Variants in FAM135B observed in about 807,000 individuals in gnomAD.
FAM135B encodes family with sequence similarity 135 member B.
FAM135B carries 43 observed loss-of-function variants against 127.7 expected under a neutral mutation model. That is an observed-to-expected ratio of 0.34 (90% CI 0.26 to 0.43). FAM135B has a LOEUF of 0.43. Ranked by LOEUF, FAM135B falls within the 20% of genes least tolerant of loss-of-function variation. The pLI is 1.00. For missense variants in FAM135B, 1,558 were observed against 1,725.6 expected, an observed-to-expected ratio of 0.90 and a Z score of 1.72; for synonymous variants, 670 against 665.1, an observed-to-expected ratio of 1.01 and a Z score of -0.11.
At chr8:138,472,778 T>A (rs771221728) in intron 1 of FAM135B, among the ~76,000 whole-genome samples, 14 of 151,764 alleles carry the variant, frequency 9.2e-5, no homozygotes, top group Non-Finnish European at 4.4e-5. Flanking sequence ...GCGAGGGGAG[T>A]CCCACGTTTA....
chr8:138,389,498 G>T (rs1318236860), intron 1 of FAM135B, among the ~76,000 whole-genome samples: 6 of 152,180 alleles, frequency 3.9e-5, no homozygotes, highest in Non-Finnish European at 8.8e-5. Context: ...TCAAAAGTGT[G>T]AAGTTTTAAT....
At chr8:138,224,505 C>T (rs556251160) in intron 7 of FAM135B, among the ~76,000 whole-genome samples, 7 of 152,248 alleles carry the variant, frequency 4.6e-5, no homozygotes, top group Admixed American at 1.3e-4. Context: ...GGCCCGATCT[C>T]GGCTCACTGC....
chr8:138,442,267 T>TATATATACAC (rs1554694337), intron 1 of FAM135B, among the ~76,000 whole-genome samples: 1 of 86,762 alleles, frequency 1.2e-5, no homozygotes, highest in Non-Finnish European at 2.4e-5. Flanking sequence ...TATATATATA[T>TATATATACAC]ATATATATAT....
chr8:138,435,023 G>A (rs556124187), intron 1 of FAM135B, among the ~76,000 whole-genome samples: 4 of 152,254 alleles, frequency 2.6e-5, no homozygotes, highest in Non-Finnish European at 4.4e-5. Flanking sequence ...GAAGCCACAC[G>A]CCAGCCAGGC....
rs570848649 is a variant in FAM135B at position 138,304,141 on chromosome 8, G to C, written c.157+6700C>G. Among the ~76,000 whole-genome samples, 5 of 151,884 alleles carry C rather than the reference G, an allele frequency of 3.3e-5. No homozygotes were observed. In the South Asian group the frequency reaches 6.2e-4, roughly 19 times the overall value. On this transcript the variant is annotated intron_variant, in intron 3 of 19. Coordinates refer to ENST00000395297, the MANE Select transcript of FAM135B (RefSeq NM_015912.4). ...GGTACATTTCAGAGGTCCTGAGAAG[G>C]GCACTTCAGCCCATCAGGCAACTTG...
intron 1 of FAM135B, among the ~76,000 whole-genome samples, chr8:138,421,610 A>G (rs1417136438): frequency 1.3e-5 from 2 of 152,212 alleles, no homozygotes; most frequent in Admixed American, 6.5e-5. Flanking sequence ...AGCAAGAATT[A>G]CAAAAACTGC....
chr8:138,241,435 A>G lies in FAM135B; in HGVS notation c.669+1507T>C, dbSNP rs1447842965. On this transcript the variant is annotated intron_variant, in intron 7 of 19. Coordinates refer to ENST00000395297, the MANE Select transcript of FAM135B (RefSeq NM_015912.4). This position sits in a 1 kb window ranked among gnomAD's most constrained non-coding sequence, Gnocchi z 4.8. ...TTCAGGTCCCCTCAGCAGGTTCTTG[A>G]CAACTCTTTTCTTTGCTTCTCAGGA... is the stretch of plus-strand genomic sequence containing the variant. Among the ~76,000 whole-genome samples the G allele has an allele frequency of 2.0e-5, 3 of 152,128 alleles. No individual in the cohort carries two copies. The highest frequency in any genetic ancestry group is 2.9e-5 in the Non-Finnish European group (2 of 68,022).
At chr8:138,340,280 G>A (rs1204454773) in intron 2 of FAM135B, among the ~76,000 whole-genome samples, 4 of 152,126 alleles carry the variant, frequency 2.6e-5, no homozygotes, top group East Asian at 1.9e-4. Context: ...CAATACGAAC[G>A]ATACAAACAG....
intron 1 of FAM135B, among the ~76,000 whole-genome samples, chr8:138,471,724 T>C (rs1024517426): frequency 2.0e-5 from 3 of 152,120 alleles, no homozygotes; most frequent in Admixed American, 6.6e-5. Flanking sequence ...ACCTTTGAAG[T>C]AGATAAGAAC....
At chr8:138,257,436 G>A (rs927829589) in intron 4 of FAM135B, among the ~76,000 whole-genome samples, 1 of 152,010 alleles carries the variant, frequency 6.6e-6, no homozygotes, top group Non-Finnish European at 1.5e-5. Context: ...TTAAACACAG[G>A]AATCTTTATT....
intron 3 of FAM135B, among the ~76,000 whole-genome samples, chr8:138,294,629 C>T (rs1825348397): frequency 6.6e-6 from 1 of 151,968 alleles, no homozygotes; most frequent in Non-Finnish European, 1.5e-5. Context: ...TAGCTCTTAA[C>T]ATAATTAATG....
intron 1 of FAM135B, among the ~76,000 whole-genome samples, chr8:138,429,024 G>C (rs918789758): frequency 3.3e-5 from 5 of 152,162 alleles, no homozygotes; most frequent in Non-Finnish European, 7.4e-5. Flanking sequence ...TTTTGTAGTG[G>C]GGGAGAAGGG....
intron 3 of FAM135B, among the ~76,000 whole-genome samples, chr8:138,275,588 A>G (rs537659039): frequency 2.6e-5 from 4 of 152,218 alleles, no homozygotes; most frequent in African/African-American, 7.2e-5. Flanking sequence ...CTAACTACTC[A>G]GAAAGCTGAG....
intron 7 of FAM135B, among the ~76,000 whole-genome samples, chr8:138,237,793 AGCCTACCCTGTAGACTTTAGACT>A (rs1820418644): frequency 6.6e-6 from 1 of 152,186 alleles, no homozygotes; most frequent in Non-Finnish European, 1.5e-5. Context: ...CCAGCCTGCC[AGCCTACCCTGTAGACTTTAGACT>A]TGCCAGCCTC....
rs144243636 is a variant in FAM135B, at chr8:138,171,629, G to A, written c.1104-3580C>T. Among the ~76,000 whole-genome samples, 661 of 152,302 alleles carry A rather than the reference G, an allele frequency of 4.3e-3. 1 individual carries two copies. The highest frequency in any genetic ancestry group is 5.9e-3 in the Non-Finnish European group (403 of 68,024). On this transcript the variant is annotated intron_variant, in intron 11 of 19. Coordinates refer to ENST00000395297, the MANE Select transcript of FAM135B (RefSeq NM_015912.4). ...TCAACATGGCATATGCAGGGAACTA[G>A]GGAGCTCTGCAAGAGTGGTTCAGAC...
chr8:138,180,602 A>G lies in FAM135B; in HGVS notation c.874-1912T>C, dbSNP rs549889521. On this transcript the variant is annotated intron_variant, in intron 9 of 19. Transcript: ENST00000395297. ...TAGACTGAAGACTAGTGCTAGATAG[A>G]GACCAATTGGGTAAAGTGAGACATC... Among the ~76,000 whole-genome samples the G allele has an allele frequency of 1.4e-4, 22 of 152,320 alleles. No individual in the cohort carries two copies. The East Asian group carries it at 2.9e-3, about 20-fold the overall frequency.
At position 138,248,521 on chromosome 8, in the gene FAM135B, C is replaced by A. The variant is rs563794159; in HGVS notation, c.542+2320G>T. ...TCCCTGTCGGGTTAGTATCACATCT[C>A]ATTTTTAAAAAATTTCGGCTGGGTG... On this transcript the variant is annotated intron_variant, in intron 6 of 19. Transcript: ENST00000395297. Among the ~76,000 whole-genome samples, 3 of 152,246 alleles carry A rather than the reference C, an allele frequency of 2.0e-5. No individual in the cohort carries two copies. The East Asian group carries it at 5.8e-4, about 29-fold the overall frequency.
At chr8:138,285,151 T>A (rs2130765014) in intron 3 of FAM135B, among the ~76,000 whole-genome samples, 1 of 130,796 alleles carries the variant, frequency 7.6e-6, no homozygotes, top group African/African-American at 2.9e-5. Context: ...TTTTTTTTTT[T>A]TTTTTTTTTT....
chr8:138,389,898 G>A (rs149372564), intron 1 of FAM135B, among the ~76,000 whole-genome samples: 622 of 152,272 alleles, frequency 4.1e-3, no homozygotes, highest in African/African-American at 0.014. Context: ...TCCTGAACAA[G>A]TCAGCCCTAA....
Sources: gnomAD v4.1 joint callset for allele counts (sites outside exome capture counted in the v4.1 genomes callset) on GRCh38, gnomAD v4.1.1 for gene constraint, Gnocchi (gnomAD v3.1) non-coding constraint, MANE v1.5 for transcripts, NCBI Gene and HGNC (gene_info 2026-07-23, HGNC 2026-07-21) for gene names.